The following PPP2R2B variants were observed in gnomAD, a reference collection of about 807,000 sequenced individuals.
PPP2R2B encodes the protein serine/threonine-protein phosphatase 2A 55 kDa regulatory subunit B beta isoform.
A neutral mutation model predicts 46.0 loss-of-function variants in PPP2R2B; 5 were observed. That is an observed-to-expected ratio of 0.11 (90% CI 0.06 to 0.23). The LOEUF (loss-of-function observed/expected upper bound fraction) is 0.23, where lower values mean the gene tolerates loss of function less well. PPP2R2B is among the 10% of genes least tolerant of loss of function. The pLI is 1.00. For synonymous variants in PPP2R2B, 215 were observed against 206.7 expected, an observed-to-expected ratio of 1.04 and a Z score of -0.34; for missense variants, 367 against 575.0, an observed-to-expected ratio of 0.64 and a Z score of 3.70.
chr5:146,779,045 C>A (rs1249288567), intron 2 of PPP2R2B, among the ~76,000 whole-genome samples: 1 of 152,174 alleles, frequency 6.6e-6, no homozygotes, highest in Non-Finnish European at 1.5e-5. Context: ...ACAACAACAA[C>A]AAAAATGCCA....
intron 1 of PPP2R2B, among the ~76,000 whole-genome samples, chr5:147,025,844 G>C (rs1755503766): frequency 6.6e-6 from 1 of 152,166 alleles, no homozygotes; most frequent in South Asian, 2.1e-4. Flanking sequence ...CAAAATGTTA[G>C]CATTTAGAAG....
At chr5:146,990,644 A>C (rs1484021724) in intron 1 of PPP2R2B, among the ~76,000 whole-genome samples, 2 of 152,170 alleles carry the variant, frequency 1.3e-5, no homozygotes, top group Non-Finnish European at 2.9e-5. Context: ...ATGCTTCATG[A>C]AATTGGAGTA....
At chr5:146,900,377 A>G (rs1582387722) in intron 1 of PPP2R2B, among the ~76,000 whole-genome samples, 3 of 152,050 alleles carry the variant, frequency 2.0e-5, no homozygotes, top group Middle Eastern at 6.8e-3. Context: ...AGAACCATCC[A>G]CTCCTGGGAC....
At position 146,589,839 on chromosome 5, in the gene PPP2R2B, G is replaced by A. The variant is rs536639765; in HGVS notation, c.*108C>T. ...TTTAATTCTATTCCAATCATTTCCT[G>A]TATAGGGAAATTAAAGTCAATGCAT... On this transcript the variant is annotated 3_prime_UTR_variant, in exon 10 of 10. Transcript: ENST00000394411. The A allele has an allele frequency of 2.4e-5, 27 of 1,121,686 alleles. No homozygotes were observed. The South Asian group carries it at 4.0e-4, about 17-fold the overall frequency. 69.5% of individuals were successfully genotyped at this position (1,121,686 alleles called of 1,614,324 possible). A position where few individuals can be genotyped will look rare whatever the true frequency, so the allele number is the denominator to read the frequency against.
At chr5:146,764,328 A>AT (rs1754341321) in intron 2 of PPP2R2B, among the ~76,000 whole-genome samples, 1 of 152,180 alleles carries the variant, frequency 6.6e-6, no homozygotes, top group Admixed American at 6.5e-5. Context: ...GTAGGAACAG[A>AT]TTTACATTTG....
At chr5:147,056,709 C>G (rs574484782), upstream of PPP2R2B, among the ~76,000 whole-genome samples, 1 of 152,182 alleles carries the variant, frequency 6.6e-6, no homozygotes, top group South Asian at 2.1e-4. Flanking sequence ...GAGACAGAGA[C>G]AGATAGACTG....
At chr5:146,833,512 A>C (rs1759084291) in intron 2 of PPP2R2B, among the ~76,000 whole-genome samples, 2 of 152,174 alleles carry the variant, frequency 1.3e-5, no homozygotes, top group South Asian at 4.1e-4. Context: ...GGCATTTTTC[A>C]CCTTGACTTT....
intron 1 of PPP2R2B, among the ~76,000 whole-genome samples, chr5:147,032,240 A>G (rs1165747022): frequency 6.6e-6 from 1 of 152,206 alleles, no homozygotes; most frequent in East Asian, 1.9e-4. Flanking sequence ...GGCTAAGGAC[A>G]TGAATAGACA....
At chr5:146,753,124 A>T (rs1474393075) in intron 2 of PPP2R2B, among the ~76,000 whole-genome samples, 2 of 152,204 alleles carry the variant, frequency 1.3e-5, no homozygotes, top group Non-Finnish European at 2.9e-5. Flanking sequence ...CAGAACCTGG[A>T]TAAGATGAGC....
rs145627690 is a variant in PPP2R2B, at chr5:146,698,010, C to T, written c.303G>A (p.Gln101=). 7.4e-6 allele frequency: 12 copies of T among 1,612,964 alleles called. No individual in the cohort carries two copies. Among genetic ancestry groups the T allele is most frequent in the Non-Finnish European group, 1.0e-5 (12 of 1,179,652 alleles). ...TAGACAGAAGAAAGTAAGCTGCATT[C>T]TGCTGGGGGAGCCATCTTATTTTAT... ...KINKIRWLPQ[Q]NAAYFLLSTN... The change falls in exon 4 of 10, where the codon CAG becomes CAA. Residue 101 remains glutamine, a synonymous_variant. Coordinates refer to ENST00000394411, the MANE Select transcript of PPP2R2B (RefSeq NM_181675.4).
Position 146,701,072 on chromosome 5 carries a change from C to A in PPP2R2B, c.141G>T (p.Arg47=). The A allele has an allele frequency of 6.2e-7, 1 of 1,613,722 alleles. No homozygotes were observed. The highest frequency in any genetic ancestry group is 2.2e-5 in the East Asian group (1 of 44,874). Residue 47 remains arginine (R), a synonymous_variant, in exon 3 of 10, where the codon CGG becomes CGT. Transcript: ENST00000394411. ...CCTGCTCTCGTTGAAATATTACAAC[C>A]CGACCCCCCTTGTCCCCTGTCGCTA... ...ELLATGDKGG[R]VVIFQREQES...
chr5:146,682,572 C>T (rs748068067), intron 5 of PPP2R2B, among the ~76,000 whole-genome samples: 79 of 152,298 alleles, frequency 5.2e-4, no homozygotes, highest in Non-Finnish European at 1.0e-3. Flanking sequence ...CAAATGTCCT[C>T]ATCTGCAAAA....
chr5:147,080,713 T>A (rs1757946055), intron 2 of PPP2R2B, among the ~76,000 whole-genome samples: 1 of 152,130 alleles, frequency 6.6e-6, no homozygotes, highest in Admixed American at 6.5e-5. Flanking sequence ...CCACATAGAA[T>A]GAAAGGGAGA....
intron 2 of PPP2R2B, among the ~76,000 whole-genome samples, chr5:146,807,886 G>A (rs576419815): frequency 7.3e-6 from 1 of 136,872 alleles, no homozygotes; most frequent in South Asian, 2.5e-4. Flanking sequence ...TGCAACCTCC[G>A]CCTGGTGGGT....
chr5:146,742,162 A>T (rs575479228), intron 2 of PPP2R2B, among the ~76,000 whole-genome samples: 6 of 152,182 alleles, frequency 3.9e-5, no homozygotes, highest in South Asian at 2.1e-4. Context: ...GCCGGGGGGA[A>T]CTTTGCTGTG....
chr5:147,045,982 A>G (rs1756525167), intron 1 of PPP2R2B, among the ~76,000 whole-genome samples: 1 of 152,144 alleles, frequency 6.6e-6, no homozygotes, highest in Non-Finnish European at 1.5e-5. Flanking sequence ...CTTCGTGTGC[A>G]TAATAAAGCC....
intron 4 of PPP2R2B, among the ~76,000 whole-genome samples, chr5:146,695,519 A>G (rs1261602440): frequency 6.6e-6 from 1 of 152,230 alleles, no homozygotes; most frequent in African/African-American, 2.4e-5. Context: ...GTTCCTAACT[A>G]TAATAAGATA....
At chr5:146,866,598 T>TTA (rs1359383608) in intron 2 of PPP2R2B, among the ~76,000 whole-genome samples, 4 of 151,394 alleles carry the variant, frequency 2.6e-5, no homozygotes, top group African/African-American at 7.3e-5. Flanking sequence ...GAAGATTAAA[T>TTA]TATATATATA....
intron 2 of PPP2R2B, among the ~76,000 whole-genome samples, chr5:147,062,467 T>C (rs951861374): frequency 6.6e-6 from 1 of 152,202 alleles, no homozygotes; most frequent in Non-Finnish European, 1.5e-5. Context: ...GAATATCTCA[T>C]TGAATCCTCC....
Sources: gnomAD v4.1 joint callset for allele counts (sites outside exome capture counted in the v4.1 genomes callset) on GRCh38, gnomAD v4.1.1 for gene constraint, MANE v1.5 for transcripts, NCBI Gene and HGNC (gene_info 2026-07-23, HGNC 2026-07-21) for gene names.